Variants in ANKHD1 observed in about 807,000 individuals in gnomAD.
ANKHD1 encodes the protein ankyrin repeat and KH domain containing 1, also known as ankyrin repeat and KH domain-containing protein 1.
ANKHD1 carries 31 observed loss-of-function variants against 230.5 expected under a neutral mutation model. The observed-to-expected ratio is 0.13, with a 90% CI of 0.10 to 0.18. The LOEUF is 0.18. ANKHD1 is among the 10% of genes least tolerant of loss of function. The pLI, the probability that ANKHD1 is intolerant of heterozygous loss-of-function variation, is 1.00. For missense variants in ANKHD1, 2,256 were observed against 3,071.3 expected, an observed-to-expected ratio of 0.73 and a Z score of 6.27; for synonymous variants, 1,074 against 1,117.6, an observed-to-expected ratio of 0.96 and a Z score of 0.78.
At chr5:140,471,404 G>T (rs767756207) in intron 10 of ANKHD1, among the ~76,000 whole-genome samples, 1 of 152,192 alleles carries the variant, frequency 6.6e-6, no homozygotes, top group African/African-American at 2.4e-5. Context: ...AATGGGACTG[G>T]CTATTTATTG....
intron 6 of ANKHD1, among the ~76,000 whole-genome samples, chr5:140,448,983 A>C (rs574807183): frequency 6.6e-6 from 1 of 152,196 alleles, no homozygotes. Flanking sequence ...AACTTGAATT[A>C]TGTGCCTTGG....
At chr5:140,464,224 A>C (rs1003854546) in intron 9 of ANKHD1, among the ~76,000 whole-genome samples, 4 of 148,786 alleles carry the variant, frequency 2.7e-5, no homozygotes, top group African/African-American at 5.0e-5. Context: ...GAGTGAGACT[A>C]TCTCTCAAAA....
intron 14 of ANKHD1, among the ~76,000 whole-genome samples, chr5:140,488,897 G>GA (rs1751631871): frequency 6.6e-6 from 1 of 151,658 alleles, no homozygotes; most frequent in African/African-American, 2.4e-5. Flanking sequence ...GAGACTCTCA[G>GA]AAAAAAATTA....
chr5:140,492,665 A>C (rs1462241259), intron 14 of ANKHD1, among the ~76,000 whole-genome samples: 2 of 152,184 alleles, frequency 1.3e-5, no homozygotes, highest in African/African-American at 4.8e-5. Flanking sequence ...TCATTCTAGT[A>C]GGGTGCTGTG....
At chr5:140,436,535 C>T (rs893150168) in intron 2 of ANKHD1, among the ~76,000 whole-genome samples, 2 of 151,966 alleles carry the variant, frequency 1.3e-5, no homozygotes, top group Admixed American at 6.6e-5. Context: ...TGCCTGAGCT[C>T]GGAGTTCAAG....
intron 24 of ANKHD1, among the ~76,000 whole-genome samples, chr5:140,517,009 G>A (rs1415176290): frequency 6.6e-6 from 1 of 151,468 alleles, no homozygotes; most frequent in Non-Finnish European, 1.5e-5. Flanking sequence ...TGGATAAAGA[G>A]TCAAGACCCA....
chr5:140,409,763 A>G (rs970838221), intron 1 of ANKHD1, among the ~76,000 whole-genome samples: 2 of 152,054 alleles, frequency 1.3e-5, no homozygotes, highest in Non-Finnish European at 2.9e-5. Flanking sequence ...TGTGTTACCC[A>G]GGATGGTCTC....
chr5:140,531,922 T>G (rs997491301), intron 29 of ANKHD1, among the ~76,000 whole-genome samples: 6 of 151,854 alleles, frequency 4.0e-5, no homozygotes, highest in African/African-American at 1.5e-4. Context: ...TAAAAAGAAA[T>G]AAAGGGCCAG....
At chr5:140,519,085 A>G (rs927930806) in intron 24 of ANKHD1, among the ~76,000 whole-genome samples, 3 of 152,244 alleles carry the variant, frequency 2.0e-5, no homozygotes, top group Non-Finnish European at 2.9e-5. Flanking sequence ...AACTTCAGCA[A>G]AGTTTCAGGA....
chr5:140,508,050 C>T, intron 20 of ANKHD1, 52 bp downstream of exon 20: 2 of 1,567,198 alleles, frequency 1.3e-6, no homozygotes, highest in Non-Finnish European at 1.7e-6. Flanking sequence ...GTAGAAAGAA[C>T]ATGGCATTTT....
chr5:140,514,074 A>G (rs561059267), intron 24 of ANKHD1, among the ~76,000 whole-genome samples: 2 of 151,352 alleles, frequency 1.3e-5, no homozygotes, highest in East Asian at 2.0e-4. Flanking sequence ...AATCCTAGCT[A>G]TTCAGGAGGC....
At chr5:140,422,601 A>T (rs1333234455) in intron 1 of ANKHD1, among the ~76,000 whole-genome samples, 2 of 150,096 alleles carry the variant, frequency 1.3e-5, no homozygotes, top group Non-Finnish European at 3.0e-5. Flanking sequence ...TGAGGTCAGG[A>T]GTTCGAGACC....
intron 15 of ANKHD1, among the ~76,000 whole-genome samples, chr5:140,499,872 T>C (rs1373403145): frequency 1.6e-5 from 2 of 127,020 alleles, no homozygotes; most frequent in East Asian, 2.1e-4. Flanking sequence ...ATTTTCTTTC[T>C]TTTTTTTTTT....
At chr5:140,466,475 C>T (rs1776096902) in intron 10 of ANKHD1, among the ~76,000 whole-genome samples, 1 of 151,738 alleles carries the variant, frequency 6.6e-6, no homozygotes, top group African/African-American at 2.4e-5. Context: ...CAAAACCATA[C>T]TGATTGTGAC....
intron 1 of ANKHD1, among the ~76,000 whole-genome samples, chr5:140,405,871 G>T (rs575854121): frequency 6.6e-6 from 1 of 151,994 alleles, no homozygotes; most frequent in Admixed American, 6.6e-5. Flanking sequence ...GGCCTCAAGT[G>T]ATTCTCCCAC....
At position 140,507,708 on chromosome 5, in the gene ANKHD1, C is replaced by G; in HGVS notation, c.3552-77C>G. 1 of 1,520,024 alleles carries G rather than the reference C, an allele frequency of 6.6e-7. No homozygotes were observed. The highest frequency in any genetic ancestry group is 8.9e-7 in the Non-Finnish European group (1 of 1,125,242). The allele number at this position is 1,520,024 out of a possible 1,614,324, so 94.2% of individuals were successfully genotyped here. ...TTAGAAACCTCTCTTTTTAGTGAAA[C>G]CTTTTCATCTTTAATGCTTTTCTAA... On this transcript the variant is annotated intron_variant, in intron 19 of 33. Transcript: ENST00000360839. The surrounding 1 kb of genome is among the most constrained non-coding windows in gnomAD (Gnocchi z 4.1).
chr5:140,421,104 C>T (rs1771939185), intron 1 of ANKHD1, among the ~76,000 whole-genome samples: 1 of 152,042 alleles, frequency 6.6e-6, no homozygotes, highest in African/African-American at 2.4e-5. Context: ...CCCTGTGCAT[C>T]CCCTCTCTCA....
chr5:140,410,517 G>A (rs921870921), intron 1 of ANKHD1, among the ~76,000 whole-genome samples: 1 of 151,904 alleles, frequency 6.6e-6, no homozygotes, highest in African/African-American at 2.4e-5. Flanking sequence ...GAATTGGCAA[G>A]TAAACAAAAT....
chr5:140,475,049 C>CACGGTAGAATAT (rs1287512076), intron 10 of ANKHD1, among the ~76,000 whole-genome samples: 1 of 152,158 alleles, frequency 6.6e-6, no homozygotes, highest in Non-Finnish European at 1.5e-5. Flanking sequence ...CTATGGAATA[C>CACGGTAGAATAT]ACAAAACTCC....
Sources: allele counts gnomAD v4.1 joint callset (sites outside exome capture counted in the v4.1 genomes callset), GRCh38; gene constraint gnomAD v4.1.1; non-coding constraint Gnocchi (gnomAD v3.1); transcripts MANE v1.5; gene names NCBI Gene and HGNC (gene_info 2026-07-23, HGNC 2026-07-21).